The following ADCY8 variants were observed in gnomAD, a reference collection of about 807,000 sequenced individuals.
The protein encoded by ADCY8 is adenylate cyclase 8.
In ADCY8, 51 loss-of-function variants were observed where a neutral mutation model predicts 119.7. The observed-to-expected ratio is 0.43, with a 90% confidence interval of 0.34 to 0.54. ADCY8 has a LOEUF of 0.54. ADCY8 is among the 20% of genes least tolerant of loss of function. ADCY8 has a pLI of 0.03. For synonymous variants in ADCY8, 665 were observed against 651.0 expected (o/e 1.02, Z -0.33); for missense variants, 1,383 against 1,598.8 (o/e 0.87, Z 2.30).
intron 14 of ADCY8, among the ~76,000 whole-genome samples, chr8:130,805,316 C>T (rs56331175): frequency 0.011 from 1,741 of 152,100 alleles, 42 homozygotes; most frequent in African/African-American, 0.04. Context: ...GTTGTTATGA[C>T]GTAGAGCTGA....
intron 1 of ADCY8, among the ~76,000 whole-genome samples, chr8:131,018,178 C>T (rs1327897560): frequency 6.6e-6 from 1 of 152,110 alleles, no homozygotes; most frequent in East Asian, 1.9e-4. Flanking sequence ...ATACTGTCTT[C>T]TTTAGCAATT....
intron 2 of ADCY8, among the ~76,000 whole-genome samples, chr8:130,976,936 T>A (rs182811431): frequency 6.6e-6 from 1 of 152,292 alleles, no homozygotes; most frequent in East Asian, 1.9e-4. Flanking sequence ...GTTTTACAAG[T>A]GAGGAGACTG....
At chr8:130,866,522 A>G (rs1396228928) in intron 9 of ADCY8, among the ~76,000 whole-genome samples, 4 of 152,096 alleles carry the variant, frequency 2.6e-5, no homozygotes, top group Non-Finnish European at 5.9e-5. Context: ...CTTACATTTA[A>G]TCACTATTCT....
At chr8:130,965,638 A>G (rs1018192606) in intron 2 of ADCY8, among the ~76,000 whole-genome samples, 1 of 152,216 alleles carries the variant, frequency 6.6e-6, no homozygotes, top group African/African-American at 2.4e-5. Context: ...TATGCCCATG[A>G]ACCCACATTC....
chr8:130,880,619 TCTCCTCTCC>T (rs1818734197), intron 8 of ADCY8, among the ~76,000 whole-genome samples: 1 of 152,132 alleles, frequency 6.6e-6, no homozygotes, highest in South Asian at 2.1e-4. Flanking sequence ...CTGCAATAGG[TCTCCTCTCC>T]CCTATCCAGA....
chr8:130,956,342 A>G (rs1203171885), intron 2 of ADCY8, among the ~76,000 whole-genome samples: 1 of 152,192 alleles, frequency 6.6e-6, no homozygotes, highest in Non-Finnish European at 1.5e-5. Context: ...TTATTGTGTT[A>G]AACTGAGCAC....
At chr8:130,872,298 A>G (rs1036176324) in intron 8 of ADCY8, among the ~76,000 whole-genome samples, 2 of 152,210 alleles carry the variant, frequency 1.3e-5, no homozygotes, top group Non-Finnish European at 2.9e-5. Flanking sequence ...GGTCTTGTTT[A>G]TAATATCCTC....
chr8:130,803,843 A>G (rs1479075263), intron 14 of ADCY8, among the ~76,000 whole-genome samples: 1 of 152,164 alleles, frequency 6.6e-6, no homozygotes, highest in Non-Finnish European at 1.5e-5. Flanking sequence ...TTCATCATCA[A>G]TTTCTCTTGA....
At chr8:130,899,566 A>AT (rs747726234) in intron 7 of ADCY8, among the ~76,000 whole-genome samples, 9 of 151,996 alleles carry the variant, frequency 5.9e-5, no homozygotes, top group Non-Finnish European at 1.2e-4. Flanking sequence ...AGATCGTGCC[A>AT]TTGCACTCCA....
intron 2 of ADCY8, among the ~76,000 whole-genome samples, chr8:130,966,334 T>C (rs1392291874): frequency 6.6e-6 from 1 of 152,100 alleles, no homozygotes; most frequent in East Asian, 1.9e-4. Flanking sequence ...TCTGCATGGG[T>C]CAAACAATGA....
intron 1 of ADCY8, among the ~76,000 whole-genome samples, chr8:131,009,503 C>T (rs941856450): frequency 6.6e-6 from 1 of 152,184 alleles, no homozygotes; most frequent in African/African-American, 2.4e-5. Context: ...CTATCTTCTG[C>T]CACCCTGTGA....
chr8:131,039,349 C>G (rs2130821959), intron 1 of ADCY8, 25 bp downstream of exon 1: 1 of 1,606,190 alleles, frequency 6.2e-7, no homozygotes, highest in East Asian at 2.2e-5. Flanking sequence ...AGAGGGGAAA[C>G]AAATGCAAGG....
chr8:130,980,408 G>A (rs1330900883), intron 2 of ADCY8, among the ~76,000 whole-genome samples: 1 of 152,182 alleles, frequency 6.6e-6, no homozygotes, highest in Non-Finnish European at 1.5e-5. Flanking sequence ...GCTGCAGCCT[G>A]GAGAATGAAT....
intron 6 of ADCY8, among the ~76,000 whole-genome samples, chr8:130,908,067 A>G (rs1416230627): frequency 6.6e-6 from 1 of 152,230 alleles, no homozygotes; most frequent in Non-Finnish European, 1.5e-5. Context: ...TGCAAAGGAC[A>G]TGATGTCATT....
At chr8:130,867,815 T>C (rs1818180049) in intron 9 of ADCY8, 31 bp downstream of exon 9, 1 of 1,479,290 alleles carries the variant, frequency 6.8e-7, no homozygotes, top group South Asian at 1.2e-5. Flanking sequence ...CAAAGATATT[T>C]CACCAGATCA....
chr8:130,934,519 T>C (rs1363168390), intron 5 of ADCY8, among the ~76,000 whole-genome samples: 2 of 152,180 alleles, frequency 1.3e-5, no homozygotes, highest in African/African-American at 4.8e-5. Flanking sequence ...AGGATTACAA[T>C]TTGACATGAG....
intron 1 of ADCY8, among the ~76,000 whole-genome samples, chr8:131,000,270 A>C (rs184072103): frequency 6.6e-6 from 1 of 152,306 alleles, no homozygotes; most frequent in Admixed American, 6.5e-5. Flanking sequence ...GAGAAAACAA[A>C]GCCCACTCAG....
rs527671965 is a variant in ADCY8, at chr8:131,040,741, G to C, written c.-408C>G. The C allele has an allele frequency of 7.5e-5, 12 of 160,800 alleles. No homozygotes were observed. The highest frequency in any genetic ancestry group is 2.9e-4 in the African/African-American group (12 of 41,996). The allele number at this position is 160,800 out of a possible 1,614,324, so 10.0% of individuals were successfully genotyped here. A position where few individuals can be genotyped will look rare whatever the true frequency, so the allele number is the denominator to read the frequency against. ...AGACGCCTAAGCGCCTGGGCGCCGT[G>C]CTTCTGCTGCGCGTCGGGCGGGTCC... On this transcript the variant is annotated 5_prime_UTR_variant, in exon 1 of 18. Transcript: ENST00000286355.
At chr8:130,995,234 ATAACT>A (rs1370971841) in intron 1 of ADCY8, among the ~76,000 whole-genome samples, 1 of 152,230 alleles carries the variant, frequency 6.6e-6, no homozygotes, top group East Asian at 1.9e-4. Context: ...ATAATTAGAA[ATAACT>A]TAAATGACCC....
Sources: gnomAD v4.1 joint callset for allele counts (sites outside exome capture counted in the v4.1 genomes callset) on GRCh38, gnomAD v4.1.1 for gene constraint, MANE v1.5 for transcripts, NCBI Gene and HGNC (gene_info 2026-07-23, HGNC 2026-07-21) for gene names.